The following FBN1 variants were observed in gnomAD, a reference collection of about 807,000 sequenced individuals.
FBN1 encodes fibrillin 1, also known as fibrillin-1.
A neutral mutation model predicts 365.1 loss-of-function variants in FBN1; 29 were observed. The ratio of observed to expected loss-of-function variants is 0.08; its 90% CI spans 0.06 to 0.11. The LOEUF is 0.11. Among genes scored for constraint, FBN1 ranks in the 10% least tolerant of loss-of-function variants. The pLI is 1.00. For synonymous variants in FBN1, 1,210 were observed against 1,270.5 expected (o/e 0.95, Z 1.01); for missense variants, 2,476 against 3,703.2 (o/e 0.67, Z 8.60).
rs750002445 is a variant in FBN1 at position 48,427,787 on chromosome 15, T to G, written c.6998-14A>C. On this transcript the variant is annotated splice_polypyrimidine_tract_variant and intron_variant, in intron 57 of 65. Transcript: ENST00000316623. ...CTTCCCGATTGTCTGGAAGGGACATTATATGGCAAAGGGGATGTCAGGAAA... is the reference window on the plus strand; with the variant it reads ...CTTCCCGATTGTCTGGAAGGGACATGATATGGCAAAGGGGATGTCAGGAAA... 6.2e-7 allele frequency: 1 copy of G among 1,611,218 alleles called. No individual in the cohort carries two copies. Among genetic ancestry groups the G allele is most frequent in the African/African-American group, 1.3e-5 (1 of 74,874 alleles).
At chr15:48,448,722 A>C (rs1346930514) in intron 46 of FBN1, 46 bp downstream of exon 46, 1 of 1,578,526 alleles carries the variant, frequency 6.3e-7, no homozygotes, top group African/African-American at 1.4e-5. Context: ...AATCAAATGA[A>C]GCTTTCAACA....
In FBN1 at chr15:48,465,729, T is replaced by C. The variant is rs142367537; in HGVS notation, c.4817-36A>G. The C allele has an allele frequency of 6.4e-3, 10,264 of 1,613,676 alleles. 40 individuals carry two copies. The highest frequency in any genetic ancestry group is 7.8e-3 in the Non-Finnish European group (9,222 of 1,179,722). On this transcript the variant is annotated intron_variant, in intron 39 of 65. Transcript: ENST00000316623. ...CAAAACAAAGGCATTCCTTTAGCATTGTAAATAAACCCAAGGAAATTCAAG... is the reference window on the plus strand; with the variant it reads ...CAAAACAAAGGCATTCCTTTAGCATCGTAAATAAACCCAAGGAAATTCAAG...
chr15:48,474,049 CTACG>C (rs2043398778), intron 34 of FBN1, among the ~76,000 whole-genome samples: 1 of 152,034 alleles, frequency 6.6e-6, no homozygotes, highest in South Asian at 2.1e-4. Flanking sequence ...ATCTATCTAC[CTACG>C]TATCTACCTA....
intron 6 of FBN1, among the ~76,000 whole-genome samples, chr15:48,568,141 CAA>C (rs36008742): frequency 6.2e-4 from 49 of 78,996 alleles, no homozygotes; most frequent in African/African-American, 1.6e-3. Context: ...AGGAATCTAC[CAA>C]AAAAAAAAAA....
intron 6 of FBN1, among the ~76,000 whole-genome samples, chr15:48,592,283 G>A (rs1240664419): frequency 6.6e-6 from 1 of 151,970 alleles, no homozygotes; most frequent in South Asian, 2.1e-4. Flanking sequence ...TCCAAGTTCA[G>A]GTCTATCTCC....
chr15:48,507,368 G>T (rs2043718747), intron 15 of FBN1, among the ~76,000 whole-genome samples: 2 of 151,952 alleles, frequency 1.3e-5, no homozygotes, highest in Admixed American at 1.3e-4. Context: ...TTACACTGTA[G>T]AATATTTCTA....
chr15:48,478,387 A>G (rs2043439731), intron 32 of FBN1, among the ~76,000 whole-genome samples: 1 of 152,204 alleles, frequency 6.6e-6, no homozygotes, highest in Non-Finnish European at 1.5e-5. Context: ...TCTCTTATGA[A>G]AGAAACCAGC....
chr15:48,457,226 A>T (rs939895651), intron 43 of FBN1, among the ~76,000 whole-genome samples: 3 of 152,096 alleles, frequency 2.0e-5, no homozygotes, highest in African/African-American at 7.2e-5. Flanking sequence ...TTCCTACTTC[A>T]TGTGGCTTTA....
intron 55 of FBN1, among the ~76,000 whole-genome samples, chr15:48,431,733 C>T (rs1342423220): frequency 6.6e-6 from 1 of 152,062 alleles, no homozygotes; most frequent in African/African-American, 2.4e-5. Flanking sequence ...CAGCTCACTG[C>T]AACCTCCACC....
intron 2 of FBN1, among the ~76,000 whole-genome samples, chr15:48,613,566 G>A (rs1043553960): frequency 1.3e-5 from 2 of 151,864 alleles, no homozygotes; most frequent in Non-Finnish European, 2.9e-5. Flanking sequence ...TAAAATTACA[G>A]GAACGCAAAC....
chr15:48,474,693 T>C (rs760053940), intron 32 of FBN1, 43 bp from the exon 33 acceptor site: 1 of 1,613,528 alleles, frequency 6.2e-7, no homozygotes, highest in Non-Finnish European at 8.5e-7. Flanking sequence ...TCAGCACAAA[T>C]GTCTTTTGGT....
intron 27 of FBN1, 25 bp downstream of exon 27, chr15:48,488,088 G>A (rs777568314): frequency 6.2e-7 from 1 of 1,613,976 alleles, no homozygotes; most frequent in African/African-American, 1.3e-5. Flanking sequence ...CTCTTTCTGT[G>A]TTGATCAAAT....
intron 4 of FBN1, among the ~76,000 whole-genome samples, chr15:48,604,365 A>T (rs2140724832): frequency 6.6e-6 from 1 of 152,300 alleles, no homozygotes; most frequent in South Asian, 2.1e-4. Context: ...AAACAGCTAG[A>T]CTAACTTCTG....
chr15:48,520,612 TGA>T, intron 10 of FBN1, 45 bp downstream of exon 10: 1 of 1,610,064 alleles, frequency 6.2e-7, no homozygotes, highest in Non-Finnish European at 8.5e-7. Context: ...ACTGGGCTTG[TGA>T]GGGCTGGGAT....
chr15:48,503,801 G>C lies in FBN1; in HGVS notation c.2099C>G (p.Pro700Arg). 1 of 1,613,946 alleles carries C rather than the reference G, an allele frequency of 6.2e-7. No individual in the cohort carries two copies. Among genetic ancestry groups the C allele is most frequent in the Admixed American group, 1.7e-5 (1 of 60,018 alleles). ...ATACCACATACCTGAATTCTGTGCA[G>C]GACACGGCTGGCAAGGTTCCCCAAA... ...YAFGEPCQPC[P>R]AQNSAEYQAL... Residue 700 changes from proline (P) to arginine (R), a missense_variant, in exon 17 of 66, where the codon CCT becomes CGT. Pro to Arg is a moderately radical substitution (Grantham distance 103). Coordinates refer to ENST00000316623, the MANE Select transcript of FBN1 (RefSeq NM_000138.5).
Position 48,444,420 on chromosome 15 carries a change from C to T in FBN1, c.6037+121G>A, listed in dbSNP as rs28730790. On this transcript the variant is annotated intron_variant, in intron 49 of 65. Transcript: ENST00000316623. ...AGGATGAGACCATGTCATACCTATG[C>T]CCTTGCATTTGTTTCTGATAAAGTA... is the stretch of plus-strand genomic sequence containing the variant. 6 of 1,111,914 alleles carry T rather than the reference C, an allele frequency of 5.4e-6. No homozygotes were observed. The African/African-American group carries it at 9.2e-5, about 17-fold the overall frequency. 68.9% of individuals were successfully genotyped at this position (1,111,914 alleles called of 1,614,324 possible).
chr15:48,609,781 G>A (rs2044643043), intron 4 of FBN1, among the ~76,000 whole-genome samples: 1 of 152,206 alleles, frequency 6.6e-6, no homozygotes, highest in African/African-American at 2.4e-5. Flanking sequence ...GAAGCCAAGG[G>A]AGGCAAGAGG....
At chr15:48,512,767 T>A (rs918858644) in intron 13 of FBN1, among the ~76,000 whole-genome samples, 19 of 142,024 alleles carry the variant, frequency 1.3e-4, no homozygotes, top group Non-Finnish European at 2.8e-4. Flanking sequence ...TATTTGCCTG[T>A]TTTTTTTTTC....
At chr15:48,567,769 T>C (rs10744953) in intron 6 of FBN1, among the ~76,000 whole-genome samples, 124,464 of 151,854 alleles carry the variant, frequency 0.82, 52,594 homozygotes, top group East Asian at 1. Context: ...TGTCTATTCA[T>C]GATAAAACTC....
Sources: allele counts gnomAD v4.1 joint callset (sites outside exome capture counted in the v4.1 genomes callset), GRCh38; gene constraint gnomAD v4.1.1; transcripts MANE v1.5; gene names NCBI Gene and HGNC (gene_info 2026-07-23, HGNC 2026-07-21).